CNTNAP2: variants seen among roughly 807,000 people sequenced by gnomAD.
CNTNAP2 encodes the protein contactin associated protein 2.
In CNTNAP2, 98 loss-of-function variants were observed where a neutral mutation model predicts 155.2. The ratio of observed to expected loss-of-function variants is 0.63; its 90% confidence interval spans 0.54 to 0.75. The LOEUF (loss-of-function observed/expected upper bound fraction) is 0.75. Ranked by LOEUF, CNTNAP2 falls within the 30% of genes least tolerant of loss-of-function variation. The pLI is 0.00. For missense variants in CNTNAP2, 1,727 were observed against 1,688.1 expected (o/e 1.02, Z -0.40); for synonymous variants, 651 against 631.2 (o/e 1.03, Z -0.47).
intron 1 of CNTNAP2, among the ~76,000 whole-genome samples, chr7:146,235,824 G>A (rs1000286682): frequency 3.9e-5 from 6 of 152,048 alleles, no homozygotes; most frequent in African/African-American, 4.8e-5. Context: ...CTGTTCTCCC[G>A]TCTGCCTTTT....
intron 18 of CNTNAP2, among the ~76,000 whole-genome samples, chr7:148,206,514 T>C (rs567322424): frequency 6.2e-4 from 94 of 152,298 alleles, no homozygotes; most frequent in African/African-American, 2.1e-3. Context: ...ATTCAAGACC[T>C]TCCTGGCCTC....
intron 9 of CNTNAP2, among the ~76,000 whole-genome samples, chr7:147,336,174 G>C (rs1025244768): frequency 6.6e-6 from 1 of 152,126 alleles, no homozygotes; most frequent in Non-Finnish European, 1.5e-5. Flanking sequence ...GCTAGCTCTT[G>C]AATACTAGGT....
At chr7:147,869,051 A>G (rs1799282181) in intron 13 of CNTNAP2, among the ~76,000 whole-genome samples, 5 of 152,328 alleles carry the variant, frequency 3.3e-5, no homozygotes, top group Admixed American at 2.6e-4. Flanking sequence ...CATCTTCTGC[A>G]TCGATCACAC....
intron 15 of CNTNAP2, among the ~76,000 whole-genome samples, chr7:148,097,493 G>T (rs371344137): frequency 1.8e-4 from 27 of 151,698 alleles, no homozygotes; most frequent in African/African-American, 5.8e-4. Flanking sequence ...ACTCTTTTTT[G>T]GGGGGGCGGG....
intron 8 of CNTNAP2, among the ~76,000 whole-genome samples, chr7:147,224,048 T>TCCCA (rs10690744): frequency 2.6e-5 from 4 of 151,442 alleles, no homozygotes; most frequent in African/African-American, 4.8e-5. Context: ...TGGAGAACTG[T>TCCCA]CAGCCAGCGC....
At chr7:147,088,074 G>A (rs183964324) in intron 4 of CNTNAP2, among the ~76,000 whole-genome samples, 78 of 152,294 alleles carry the variant, frequency 5.1e-4, no homozygotes, top group Non-Finnish European at 2.4e-4. Context: ...AGGCCTTAAC[G>A]TGGAAATTCT....
chr7:147,424,260 ACTTT>A (rs1455539130), intron 10 of CNTNAP2, among the ~76,000 whole-genome samples: 1 of 152,032 alleles, frequency 6.6e-6, no homozygotes, highest in African/African-American at 2.4e-5. Flanking sequence ...CATTGCTTTC[ACTTT>A]CTTTTGCCTC....
At chr7:148,026,264 T>C (rs569684824) in intron 15 of CNTNAP2, among the ~76,000 whole-genome samples, 22 of 152,126 alleles carry the variant, frequency 1.4e-4, no homozygotes, top group Middle Eastern at 3.4e-3. Flanking sequence ...GCCTGAGTAA[T>C]ATAGTGAGGC....
intron 1 of CNTNAP2, among the ~76,000 whole-genome samples, chr7:146,584,859 C>T (rs1798663246): frequency 6.6e-6 from 1 of 152,004 alleles, no homozygotes; most frequent in Non-Finnish European, 1.5e-5. Context: ...GGGTCAGATT[C>T]TTATGTATCA....
intron 21 of CNTNAP2, among the ~76,000 whole-genome samples, chr7:148,362,643 ACCTAAGC>A (rs1798647308): frequency 1.3e-5 from 2 of 152,170 alleles, no homozygotes; most frequent in Non-Finnish European, 2.9e-5. Flanking sequence ...GCACAGCACT[ACCTAAGC>A]CCCATCCAAC....
chr7:147,972,507 C>T (rs985942525), intron 14 of CNTNAP2, among the ~76,000 whole-genome samples: 2 of 151,978 alleles, frequency 1.3e-5, no homozygotes, highest in African/African-American at 4.8e-5. Context: ...ATAAAAAAGT[C>T]AAGGAAAGAC....
intron 14 of CNTNAP2, among the ~76,000 whole-genome samples, chr7:147,948,648 C>T (rs373943898): frequency 5.8e-5 from 8 of 137,362 alleles, no homozygotes; most frequent in African/African-American, 2.1e-4. Context: ...CACACATATA[C>T]ACACACACAC....
chr7:147,233,191 C>G (rs1803723193), intron 8 of CNTNAP2, among the ~76,000 whole-genome samples: 2 of 152,096 alleles, frequency 1.3e-5, no homozygotes, highest in Admixed American at 6.6e-5. Flanking sequence ...AGGATCCCAC[C>G]TTAGAGATAA....
intron 14 of CNTNAP2, among the ~76,000 whole-genome samples, chr7:147,942,341 T>A (rs1489908532): frequency 7.0e-6 from 1 of 142,380 alleles, no homozygotes; most frequent in Non-Finnish European, 1.6e-5. Context: ...AATAGTTAAG[T>A]TCGTTGTAGA....
intron 9 of CNTNAP2, among the ~76,000 whole-genome samples, chr7:147,305,425 A>G (rs2116781137): frequency 6.6e-6 from 1 of 152,322 alleles, no homozygotes; most frequent in African/African-American, 2.4e-5. Flanking sequence ...ACACTCCATG[A>G]AAAGCCTCCC....
At chr7:147,996,896 A>C (rs984463431) in intron 15 of CNTNAP2, among the ~76,000 whole-genome samples, 3 of 152,124 alleles carry the variant, frequency 2.0e-5, no homozygotes, top group Non-Finnish European at 2.9e-5. Flanking sequence ...ATATGTTGAA[A>C]CCTAATCACC....
intron 1 of CNTNAP2, among the ~76,000 whole-genome samples, chr7:146,773,793 C>T (rs1802339447): frequency 6.6e-6 from 1 of 152,212 alleles, no homozygotes; most frequent in Non-Finnish European, 1.5e-5. Context: ...ATCTCCAGAA[C>T]TTAGTCATCT....
At chr7:147,358,887 C>T (rs1175336869) in intron 9 of CNTNAP2, among the ~76,000 whole-genome samples, 1 of 152,074 alleles carries the variant, frequency 6.6e-6, no homozygotes, top group Non-Finnish European at 1.5e-5. Context: ...AAGCTGTTTA[C>T]TCCTTGTTTG....
At position 146,634,703 on chromosome 7, in the gene CNTNAP2, T is replaced by G. The variant is rs562404166; in HGVS notation, c.98-139568T>G. Among the ~76,000 whole-genome samples, 4 of 152,320 alleles carry G rather than the reference T, an allele frequency of 2.6e-5. No homozygotes were observed. In the East Asian group the frequency reaches 7.7e-4, roughly 29 times the overall value. On this transcript the variant is annotated intron_variant, in intron 1 of 23. Transcript: ENST00000361727. Reference sequence around the variant, plus strand: ...TGATGACAAGCTTCCTTTTCCAATTTGCAAGGAAAGAATAAGCAAACAAGA... The same window carrying G: ...TGATGACAAGCTTCCTTTTCCAATTGGCAAGGAAAGAATAAGCAAACAAGA...
Sources: allele counts gnomAD v4.1 joint callset (sites outside exome capture counted in the v4.1 genomes callset), GRCh38; gene constraint gnomAD v4.1.1; transcripts MANE v1.5; gene names NCBI Gene and HGNC (gene_info 2026-07-23, HGNC 2026-07-21).